REV3L: variants seen among roughly 807,000 people sequenced by gnomAD.
The protein encoded by REV3L is REV3 like, DNA directed polymerase zeta catalytic subunit.
In REV3L, 69 loss-of-function variants were observed where a neutral mutation model predicts 299.4. That is an observed-to-expected ratio of 0.23 (90% CI 0.19 to 0.28). The LOEUF (loss-of-function observed/expected upper bound fraction) is 0.28, where lower values mean the gene tolerates loss of function less well. REV3L is among the 10% of genes least tolerant of loss of function. The pLI, the probability that REV3L is intolerant of heterozygous loss-of-function variation, is 1.00. For synonymous variants in REV3L, 1,238 were observed against 1,271.4 expected, an observed-to-expected ratio of 0.97 and a Z score of 0.56; for missense variants, 3,128 against 3,693.8, an observed-to-expected ratio of 0.85 and a Z score of 3.97.
chr6:111,365,791 AG>A (rs1376965799), intron 14 of REV3L, among the ~76,000 whole-genome samples: 1 of 152,194 alleles, frequency 6.6e-6, no homozygotes, highest in Non-Finnish European at 1.5e-5. Flanking sequence ...AGATTAGGGA[AG>A]GTTTCCTGGA....
At chr6:111,420,362 G>T (rs1785194836) in intron 1 of REV3L, among the ~76,000 whole-genome samples, 1 of 152,082 alleles carries the variant, frequency 6.6e-6, no homozygotes, top group African/African-American at 2.4e-5. Context: ...TTATTATTTT[G>T]TGGTAAGAGC....
chr6:111,465,745 CAAAA>C (rs376561912), intron 1 of REV3L, among the ~76,000 whole-genome samples: 1 of 76,854 alleles, frequency 1.3e-5, no homozygotes, highest in Non-Finnish European at 2.3e-5. Context: ...AAACAAAAAC[CAAAA>C]AAAAAAAAAA....
intron 1 of REV3L, among the ~76,000 whole-genome samples, chr6:111,432,040 T>C (rs1053958248): frequency 6.6e-6 from 1 of 152,086 alleles, no homozygotes; most frequent in East Asian, 1.9e-4. Flanking sequence ...GTTACCACAA[T>C]GCAAAAACCT....
intron 5 of REV3L, among the ~76,000 whole-genome samples, chr6:111,391,276 G>C (rs1411693541): frequency 1.3e-5 from 2 of 152,054 alleles, no homozygotes; most frequent in African/African-American, 4.8e-5. Context: ...ATGTTGGCCA[G>C]GCTGGTCTTG....
chr6:111,314,986 G>A (rs943018387), intron 27 of REV3L, among the ~76,000 whole-genome samples: 7 of 151,836 alleles, frequency 4.6e-5, no homozygotes, highest in African/African-American at 7.3e-5. Flanking sequence ...GAACAGCTGG[G>A]ACTACAGGCG....
intron 1 of REV3L, among the ~76,000 whole-genome samples, chr6:111,468,742 A>G (rs1360925335): frequency 3.4e-5 from 1 of 29,832 alleles, no homozygotes; most frequent in East Asian, 1.8e-3. Context: ...TTAAAAATGT[A>G]GCATGTAAGA....
At chr6:111,406,017 A>G (rs1783580436) in intron 3 of REV3L, among the ~76,000 whole-genome samples, 1 of 152,200 alleles carries the variant, frequency 6.6e-6, no homozygotes, top group East Asian at 1.9e-4. Context: ...TGCCATTTTG[A>G]TATTTTTCTT....
rs756234875 is a variant in REV3L at position 111,357,133 on chromosome 6, A to G, written c.7073-8T>C. ...GAGTCTGATATCTGATATCTAAAAA[A>G]CAAACAAAATGTCTATTATATATAA... On this transcript the variant is annotated splice_polypyrimidine_tract_variant and splice_region_variant and intron_variant, in intron 17 of 31. Transcript: ENST00000368802. 7.3e-5 allele frequency: 97 copies of G among 1,333,900 alleles called. No individual in the cohort carries two copies. The highest frequency in any genetic ancestry group is 9.7e-5 in the Non-Finnish European group (93 of 961,110). 82.6% of individuals were successfully genotyped at this position (1,333,900 alleles called of 1,614,324 possible).
chr6:111,353,105 A>C (rs1056037204), intron 18 of REV3L, among the ~76,000 whole-genome samples: 11 of 152,204 alleles, frequency 7.2e-5, no homozygotes, highest in African/African-American at 2.7e-4. Context: ...CTAAATTGTG[A>C]GATGTGCAGC....
At chr6:111,396,211 G>A (rs930458272) in intron 4 of REV3L, among the ~76,000 whole-genome samples, 3 of 152,176 alleles carry the variant, frequency 2.0e-5, no homozygotes, top group Non-Finnish European at 2.9e-5. Context: ...ATTTTTTGTA[G>A]AGACAGGGTT....
chr6:111,443,610 G>T (rs1193324320), intron 1 of REV3L, among the ~76,000 whole-genome samples: 1 of 152,170 alleles, frequency 6.6e-6, no homozygotes, highest in Non-Finnish European at 1.5e-5. Flanking sequence ...CTACTCATAA[G>T]ATGTGACCTT....
rs369202334 is a variant in REV3L at position 111,363,990 on chromosome 6, A to AAC, written c.6754-14_6754-13dup. On this transcript the variant is annotated splice_polypyrimidine_tract_variant and intron_variant, in intron 15 of 31. Coordinates refer to ENST00000368802, the MANE Select transcript of REV3L (RefSeq NM_001372078.1). ...GCTGCAAATTGATTCTATAAAAAAA[A>AAC]ACACACACACACACAGCCAGAAAAA... The AAC allele has an allele frequency of 4.1e-4, 653 of 1,584,856 alleles. 4 individuals are homozygous for AAC. In the African/African-American group the frequency reaches 7.0e-3, roughly 17 times the overall value.
chr6:111,384,529 A>C (rs1367942168), intron 9 of REV3L, among the ~76,000 whole-genome samples: 1 of 152,244 alleles, frequency 6.6e-6, no homozygotes, highest in Non-Finnish European at 1.5e-5. Flanking sequence ...AATGAAAATC[A>C]AAATTACAAT....
At chr6:111,344,146 T>G in intron 20 of REV3L, 103 bp from the exon 21 acceptor site, 1 of 678,646 alleles carries the variant, frequency 1.5e-6, no homozygotes, top group Non-Finnish European at 2.5e-6. Context: ...ATAGTAGATA[T>G]TAAAGCTACT....
chr6:111,335,700 T>C, intron 21 of REV3L, 90 bp from the exon 22 acceptor site: 3 of 1,305,000 alleles, frequency 2.3e-6, no homozygotes, highest in Middle Eastern at 1.9e-4. Flanking sequence ...ATCTACATGC[T>C]AAAAGTGAGG....
chr6:111,406,228 T>C (rs1783609960), intron 3 of REV3L, among the ~76,000 whole-genome samples: 1 of 152,192 alleles, frequency 6.6e-6, no homozygotes, highest in Admixed American at 6.5e-5. Flanking sequence ...GGCACTTTTT[T>C]CTCTGAAGAG....
intron 14 of REV3L, 52 bp downstream of exon 14, chr6:111,367,063 T>C: frequency 2.9e-6 from 4 of 1,379,242 alleles, no homozygotes; most frequent in Non-Finnish European, 3.0e-6. Flanking sequence ...GTTATCTTCA[T>C]TTCTATTTCT....
intron 1 of REV3L, among the ~76,000 whole-genome samples, chr6:111,449,480 G>A (rs1789251566): frequency 6.6e-6 from 1 of 152,204 alleles, no homozygotes; most frequent in African/African-American, 2.4e-5. Flanking sequence ...TGTGAGGAAT[G>A]TACCTAAAGC....
chr6:111,457,691 A>G (rs1790307600), intron 1 of REV3L, among the ~76,000 whole-genome samples: 1 of 152,012 alleles, frequency 6.6e-6, no homozygotes, highest in Non-Finnish European at 1.5e-5. Context: ...AAGCAGAACA[A>G]AGCATACAAG....
Sources: gnomAD v4.1 joint callset for allele counts (sites outside exome capture counted in the v4.1 genomes callset) on GRCh38, gnomAD v4.1.1 for gene constraint, MANE v1.5 for transcripts, NCBI Gene and HGNC (gene_info 2026-07-23, HGNC 2026-07-21) for gene names.